The following SLIT1 variants were observed in gnomAD, a reference collection of about 807,000 sequenced individuals.
SLIT1 encodes slit guidance ligand 1.
In SLIT1, 66 loss-of-function variants were observed where a neutral mutation model predicts 186.1. The observed-to-expected ratio is 0.35, with a 90% CI of 0.29 to 0.44. The LOEUF (loss-of-function observed/expected upper bound fraction) is 0.44, where lower values mean the gene tolerates loss of function less well. Ranked by LOEUF, SLIT1 falls within the 20% of genes least tolerant of loss-of-function variation. SLIT1 has a pLI of 1.00. For missense variants in SLIT1, 1,638 were observed against 2,037.4 expected (o/e 0.80, Z 3.77); for synonymous variants, 761 against 833.8 (o/e 0.91, Z 1.50).
intron 4 of SLIT1, among the ~76,000 whole-genome samples, chr10:97,122,421 G>A (rs1020712134): frequency 6.6e-6 from 1 of 152,208 alleles, no homozygotes; most frequent in Non-Finnish European, 1.5e-5. Flanking sequence ...GTTACGAAAA[G>A]GTGAAGCCAC....
chr10:97,097,855 G>A lies in SLIT1; in HGVS notation c.414-31769C>T, dbSNP rs117172728. Among the ~76,000 whole-genome samples, 37 of 152,274 alleles carry A rather than the reference G, an allele frequency of 2.4e-4. 1 individual carries two copies. The South Asian group carries it at 7.3e-3, about 30-fold the overall frequency. The stretch of plus-strand genomic sequence containing the variant: ...AATCTGTGGGCAGCCATCAGTCCTC[G>A]TACTTCTCTGCCATGCCCTACAAAG... On this transcript the variant is annotated intron_variant, in intron 4 of 36. Coordinates refer to ENST00000266058, the MANE Select transcript of SLIT1 (RefSeq NM_003061.3).
Position 97,043,100 on chromosome 10 carries a change from A to G in SLIT1, c.1998-33T>C, listed in dbSNP as rs1564660296. The stretch of plus-strand genomic sequence containing the variant: ...AGGCAGGCCAGGCGGCCATGGAGAC[A>G]CTCTGCCCCTCTCAGAGGTCCCAGC... On this transcript the variant is annotated intron_variant, in intron 19 of 36. Coordinates refer to ENST00000266058, the MANE Select transcript of SLIT1 (RefSeq NM_003061.3). The surrounding 1 kb of genome is among the most constrained non-coding windows in gnomAD (Gnocchi z 7.0). 6.2e-7 allele frequency: 1 copy of G among 1,603,994 alleles called. No homozygotes were observed. Among genetic ancestry groups the G allele is most frequent in the Admixed American group, 1.7e-5 (1 of 59,496 alleles).
intron 13 of SLIT1, among the ~76,000 whole-genome samples, chr10:97,051,843 G>C (rs1452643258): frequency 6.6e-6 from 1 of 151,576 alleles, no homozygotes; most frequent in East Asian, 1.9e-4. Flanking sequence ...GAAAATGTTG[G>C]TCCACACAAA....
intron 13 of SLIT1, among the ~76,000 whole-genome samples, chr10:97,052,341 C>T (rs1004308826): frequency 1.3e-4 from 20 of 152,136 alleles, no homozygotes; most frequent in African/African-American, 4.8e-4. Context: ...CTCAGGTGAT[C>T]TGCCCACCTC....
At chr10:97,127,748 C>T (rs550859653) in intron 4 of SLIT1, among the ~76,000 whole-genome samples, 38 of 152,314 alleles carry the variant, frequency 2.5e-4, no homozygotes, top group Middle Eastern at 3.4e-3. Flanking sequence ...GAAAGCACAG[C>T]GGAGAAACCA....
intron 15 of SLIT1, 41 bp from the exon 16 acceptor site, chr10:97,047,875 G>A (rs778070832): frequency 6.2e-6 from 10 of 1,613,012 alleles, no homozygotes; most frequent in South Asian, 1.1e-5. Flanking sequence ...GGAGCCCGGG[G>A]CCGGCTCCCA....
intron 4 of SLIT1, among the ~76,000 whole-genome samples, chr10:97,140,531 C>T (rs1194779852): frequency 1.3e-5 from 2 of 152,322 alleles, no homozygotes; most frequent in Admixed American, 6.5e-5. Flanking sequence ...CATAAACACA[C>T]TTCCCCTCCT....
chr10:97,134,807 G>A (rs1437027400), intron 4 of SLIT1, among the ~76,000 whole-genome samples: 1 of 152,140 alleles, frequency 6.6e-6, no homozygotes, highest in Admixed American at 6.5e-5. Flanking sequence ...GTTTGATCAC[G>A]TGGTTCTAGA....
chr10:97,106,076 C>T (rs1849410903), intron 4 of SLIT1, among the ~76,000 whole-genome samples: 1 of 152,210 alleles, frequency 6.6e-6, no homozygotes, highest in Non-Finnish European at 1.5e-5. Context: ...CCAGTGGTAA[C>T]CCCAGTTTTG....
At position 97,046,655 on chromosome 10, in the gene SLIT1, G is replaced by T; in HGVS notation, c.1852C>A (p.Leu618Ile). 6.2e-7 allele frequency: 1 copy of T among 1,605,900 alleles called. No homozygotes were observed. The highest frequency in any genetic ancestry group is 1.1e-5 in the South Asian group (1 of 90,808). The change falls in exon 18 of 37, where the codon CTA becomes ATA. Residue 618 changes from leucine to isoleucine, a missense_variant and splice_region_variant. Leu to Ile is a conservative substitution (Grantham distance 5). Transcript: ENST00000266058. ...TGCTCCCCAGCCCTGCACACTCACA[G>T]GGTCCTCAAGCCATCCAGACCCCGG... ...MFRGLDGLRT[L>I]MLRNNRISCI...
At chr10:97,168,277 T>A (rs562291575) in intron 1 of SLIT1, among the ~76,000 whole-genome samples, 65 of 152,302 alleles carry the variant, frequency 4.3e-4, no homozygotes, top group African/African-American at 1.6e-3. Flanking sequence ...ATAAGAGTAC[T>A]ATGCACATTA....
intron 9 of SLIT1, 51 bp from the exon 10 acceptor site, chr10:97,060,209 C>G: frequency 6.8e-7 from 1 of 1,475,016 alleles, no homozygotes. Flanking sequence ...CAGCCCAGCC[C>G]TGGGTGTTAT....
intron 10 of SLIT1, 85 bp downstream of exon 10, chr10:97,060,002 T>A: frequency 8.5e-7 from 1 of 1,180,468 alleles, no homozygotes; most frequent in Middle Eastern, 2.1e-4. Context: ...GGGGCTGAGT[T>A]AGGGCCTGCC....
rs769273341 is a variant in SLIT1, at chr10:97,047,056, A to G, written c.1644T>C (p.Asn548=). The G allele has an allele frequency of 2.5e-6, 4 of 1,606,468 alleles. No homozygotes were observed. In the South Asian group the frequency reaches 4.4e-5, roughly 18 times the overall value. Reference sequence around the variant, plus strand: ...CCTCCAGGATGGAAATCTCATTGTTATTCAATCGCCTGTAAGAGACAAGAA... The same window carrying G: ...CCTCCAGGATGGAAATCTCATTGTTGTTCAATCGCCTGTAAGAGACAAGAA... ...IPQSTAELRL[N]NNEISILEAT... Residue 548 remains asparagine, a synonymous_variant, in exon 17 of 37, where the codon AAT becomes AAC. Coordinates refer to ENST00000266058, the MANE Select transcript of SLIT1 (RefSeq NM_003061.3).
chr10:97,100,560 C>T (rs755231507), intron 4 of SLIT1, among the ~76,000 whole-genome samples: 2 of 151,390 alleles, frequency 1.3e-5, no homozygotes, highest in African/African-American at 2.4e-5. Context: ...CACTTTAACC[C>T]GGGAGGCAGA....
At position 97,184,189 on chromosome 10, in the gene SLIT1, G is replaced by A. The variant is rs890630885; in HGVS notation, c.197+1289C>T. Among the ~76,000 whole-genome samples the A allele has an allele frequency of 2.6e-5, 4 of 152,070 alleles. No individual in the cohort carries two copies. The highest frequency in any genetic ancestry group is 4.4e-5 in the Non-Finnish European group (3 of 68,008). Reference sequence around the variant, plus strand: ...CTGGCCTTGGTACAGAGTCTGATTCGGGAGACAGCTCTCCTCAGGGTCAGA... The same window carrying A: ...CTGGCCTTGGTACAGAGTCTGATTCAGGAGACAGCTCTCCTCAGGGTCAGA... On this transcript the variant is annotated intron_variant, in intron 1 of 36. Coordinates refer to ENST00000266058, the MANE Select transcript of SLIT1 (RefSeq NM_003061.3). This position sits in a 1 kb window ranked among gnomAD's most constrained non-coding sequence, Gnocchi z 4.4.
chr10:97,056,006 G>A (rs1848832824), intron 13 of SLIT1, among the ~76,000 whole-genome samples: 1 of 152,148 alleles, frequency 6.6e-6, no homozygotes, highest in African/African-American at 2.4e-5. Context: ...CATTTATCAA[G>A]CACTTGTGAT....
intron 4 of SLIT1, among the ~76,000 whole-genome samples, chr10:97,070,921 C>T (rs1022445553): frequency 6.6e-6 from 1 of 152,108 alleles, no homozygotes; most frequent in Non-Finnish European, 1.5e-5. Context: ...TGGGCTCAAG[C>T]GATCCTCCCC....
At chr10:97,019,589 G>A (rs750338681) in intron 26 of SLIT1, among the ~76,000 whole-genome samples, 2 of 152,150 alleles carry the variant, frequency 1.3e-5, no homozygotes, top group African/African-American at 4.8e-5. Context: ...CCCAAGCTCG[G>A]CTCTGCAGGT....
Sources: gnomAD v4.1 joint callset for allele counts (sites outside exome capture counted in the v4.1 genomes callset) on GRCh38, gnomAD v4.1.1 for gene constraint, Gnocchi (gnomAD v3.1) non-coding constraint, MANE v1.5 for transcripts, NCBI Gene and HGNC (gene_info 2026-07-23, HGNC 2026-07-21) for gene names.